The following SHTN1 variants were observed in gnomAD, a reference collection of about 807,000 sequenced individuals.
SHTN1 encodes shootin-1.
A neutral mutation model predicts 83.1 loss-of-function variants in SHTN1; 42 were observed. The observed-to-expected ratio is 0.51, with a 90% CI of 0.39 to 0.65. The LOEUF (loss-of-function observed/expected upper bound fraction) is 0.65, where lower values mean the gene tolerates loss of function less well. Among genes scored for constraint, SHTN1 ranks in the 30% least tolerant of loss-of-function variants. The pLI is 0.00. For missense variants in SHTN1, 622 were observed against 737.8 expected (o/e 0.84, Z 1.82); for synonymous variants, 224 against 247.7 (o/e 0.90, Z 0.90).
upstream of SHTN1, among the ~76,000 whole-genome samples, chr10:117,009,719 A>G (rs999515434): frequency 6.6e-6 from 1 of 152,040 alleles, no homozygotes; most frequent in East Asian, 1.9e-4. Context: ...CCTGGCTAAC[A>G]CTGTGAAACC....
chr10:116,988,039 A>C (rs1030577775), intron 1 of SHTN1, among the ~76,000 whole-genome samples: 3 of 152,238 alleles, frequency 2.0e-5, no homozygotes, highest in Non-Finnish European at 2.9e-5. Context: ...TGGTGAATAC[A>C]TGTGCTATAT....
intron 2 of SHTN1, among the ~76,000 whole-genome samples, chr10:116,969,340 C>T (rs961861446): frequency 6.6e-6 from 1 of 152,126 alleles, no homozygotes; most frequent in African/African-American, 2.4e-5. Context: ...ACTCGGGAGG[C>T]TGAGGCAGGA....
intron 1 of SHTN1, among the ~76,000 whole-genome samples, chr10:116,990,287 C>CT (rs11399364): frequency 0.84 from 101,313 of 119,948 alleles, 43,753 homozygotes; most frequent in Non-Finnish European, 0.92. Flanking sequence ...TTTTTTCTTT[C>CT]TTTTTTTTTT....
chr10:116,950,334 T>A (rs1849730635), intron 6 of SHTN1, among the ~76,000 whole-genome samples: 1 of 152,060 alleles, frequency 6.6e-6, no homozygotes, highest in African/African-American at 2.4e-5. Flanking sequence ...CTGGCTAATA[T>A]TTTTAAAAAT....
At chr10:117,091,101 T>G (rs988988869) in intron 1 of SHTN1, among the ~76,000 whole-genome samples, 5 of 152,190 alleles carry the variant, frequency 3.3e-5, no homozygotes, top group African/African-American at 2.4e-5. Context: ...TTGACCTCTG[T>G]TCCAAATAGG....
upstream of SHTN1, among the ~76,000 whole-genome samples, chr10:117,006,240 G>GGT (rs1554929524): frequency 6.8e-6 from 1 of 147,250 alleles, no homozygotes; most frequent in Admixed American, 6.7e-5. Context: ...GTTTTTTTTT[G>GGT]TTTTTTTTTT....
At position 116,987,067 on chromosome 10, in the gene SHTN1, T is replaced by C. The variant is rs1300871458; in HGVS notation, c.59-7759A>G. 3.9e-5 allele frequency among the ~76,000 whole-genome samples: 6 copies of C among 152,118 alleles called. No individual in the cohort carries two copies. In the South Asian group the frequency reaches 8.3e-4, roughly 21 times the overall value. On this transcript the variant is annotated intron_variant, in intron 1 of 16. Transcript: ENST00000355371. ...AAAATAAGGTAGCCTCTATGAAATATGCCCAGAGCATTTTGTTCCTCTAAA... is the reference window on the plus strand; with the variant it reads ...AAAATAAGGTAGCCTCTATGAAATACGCCCAGAGCATTTTGTTCCTCTAAA...
intron 2 of SHTN1, among the ~76,000 whole-genome samples, chr10:117,025,889 T>C (rs979073462): frequency 1.4e-4 from 22 of 152,134 alleles, no homozygotes; most frequent in African/African-American, 5.1e-4. Flanking sequence ...TGAAGAGCCC[T>C]TGGGCCTGAA....
At chr10:116,923,707 C>G (rs1055678339) in intron 11 of SHTN1, among the ~76,000 whole-genome samples, 1 of 152,098 alleles carries the variant, frequency 6.6e-6, no homozygotes, top group Non-Finnish European at 1.5e-5. Context: ...AGGTACACCA[C>G]CACTCCTGGT....
chr10:117,081,212 A>G, intron 1 of SHTN1, among the ~76,000 whole-genome samples: 1 of 151,720 alleles, frequency 6.6e-6, no homozygotes, highest in Non-Finnish European at 1.5e-5. Context: ...ATGTCCCATC[A>G]ATACCTAATT....
intron 9 of SHTN1, among the ~76,000 whole-genome samples, chr10:116,937,626 G>A (rs1482060879): frequency 6.6e-6 from 1 of 152,052 alleles, no homozygotes; most frequent in Non-Finnish European, 1.5e-5. Flanking sequence ...TGGTCAATCT[G>A]ATGATTATGT....
At chr10:117,095,035 A>G (rs1424210998) in intron 1 of SHTN1, among the ~76,000 whole-genome samples, 2 of 152,226 alleles carry the variant, frequency 1.3e-5, no homozygotes, top group African/African-American at 4.8e-5. Flanking sequence ...ACAAGCAAGA[A>G]GGCTCATTGT....
At chr10:117,040,882 A>G (rs1282666886) in intron 2 of SHTN1, among the ~76,000 whole-genome samples, 4 of 151,922 alleles carry the variant, frequency 2.6e-5, no homozygotes. Context: ...CCATATTAAA[A>G]TAGTTTTGTA....
At chr10:116,969,921 T>C (rs1248218211) in intron 2 of SHTN1, among the ~76,000 whole-genome samples, 1 of 152,214 alleles carries the variant, frequency 6.6e-6, no homozygotes, top group Non-Finnish European at 1.5e-5. Flanking sequence ...AAATGTATTA[T>C]CTTGGGAATA....
At chr10:116,899,892 C>G (rs940652833) in intron 16 of SHTN1, among the ~76,000 whole-genome samples, 3 of 152,176 alleles carry the variant, frequency 2.0e-5, no homozygotes, top group African/African-American at 7.2e-5. Flanking sequence ...CTTCTCATTC[C>G]TGGAAGCTAG....
intron 2 of SHTN1, among the ~76,000 whole-genome samples, chr10:117,034,509 C>T (rs188077348): frequency 1.3e-5 from 2 of 152,134 alleles, no homozygotes; most frequent in Admixed American, 1.3e-4. Flanking sequence ...GGTGTGGTGG[C>T]ACATGCCTCT....
chr10:116,950,930 C>A (rs943583143), intron 6 of SHTN1, among the ~76,000 whole-genome samples: 1 of 152,178 alleles, frequency 6.6e-6, no homozygotes, highest in African/African-American at 2.4e-5. Flanking sequence ...AGGCTGCTCA[C>A]TGACAGGATC....
chr10:116,889,737 G>C (rs1257085577), intron 16 of SHTN1, among the ~76,000 whole-genome samples: 1 of 152,310 alleles, frequency 6.6e-6, no homozygotes, highest in Non-Finnish European at 1.5e-5. Context: ...GGAGGCTACA[G>C]GCTAGTTTTT....
chr10:116,899,552 A>C (rs968446742), intron 16 of SHTN1, among the ~76,000 whole-genome samples: 4 of 117,580 alleles, frequency 3.4e-5, no homozygotes, highest in African/African-American at 7.0e-5. Context: ...TGTGTGAGAG[A>C]GTGCATGCAT....
Sources: allele counts gnomAD v4.1 joint callset (sites outside exome capture counted in the v4.1 genomes callset), GRCh38; gene constraint gnomAD v4.1.1; transcripts MANE v1.5; gene names NCBI Gene and HGNC (gene_info 2026-07-23, HGNC 2026-07-21).